The following EDIL3 variants were observed in gnomAD, a reference collection of about 807,000 sequenced individuals.
EDIL3 encodes EGF-like repeat and discoidin I-like domain-containing protein 3.
In EDIL3, 37 loss-of-function variants were observed where a neutral mutation model predicts 67.4. That is an observed-to-expected ratio of 0.55 (90% CI 0.42 to 0.72). EDIL3 has a LOEUF of 0.72. Among genes scored for constraint, EDIL3 ranks in the 30% least tolerant of loss-of-function variants. EDIL3 has a pLI of 0.00. For missense variants in EDIL3, 527 were observed against 586.3 expected (o/e 0.90, Z 1.04); for synonymous variants, 195 against 196.3 (o/e 0.99, Z 0.05).
chr5:84,105,207 C>T (rs1482110214), intron 6 of EDIL3, among the ~76,000 whole-genome samples: 1 of 152,000 alleles, frequency 6.6e-6, no homozygotes, highest in Non-Finnish European at 1.5e-5. Flanking sequence ...TATAGATGTG[C>T]CATTTCCACT....
At chr5:84,090,388 C>T (rs1580321940) in intron 6 of EDIL3, among the ~76,000 whole-genome samples, 1 of 152,114 alleles carries the variant, frequency 6.6e-6, no homozygotes, top group East Asian at 1.9e-4. Flanking sequence ...TAAAAGGACA[C>T]ATCTTAGGTG....
chr5:84,095,093 T>G (rs942405304), intron 6 of EDIL3, among the ~76,000 whole-genome samples: 2 of 152,200 alleles, frequency 1.3e-5, no homozygotes, highest in African/African-American at 4.8e-5. Flanking sequence ...AAAGTGTTTT[T>G]TATTTTATTT....
At chr5:84,147,159 T>C (rs1030454896) in intron 4 of EDIL3, among the ~76,000 whole-genome samples, 4 of 152,016 alleles carry the variant, frequency 2.6e-5, no homozygotes, top group African/African-American at 9.7e-5. Flanking sequence ...ATCTAAACTT[T>C]ATAGTAAAAA....
chr5:84,266,627 C>T (rs1253906986), intron 1 of EDIL3, among the ~76,000 whole-genome samples: 3 of 152,116 alleles, frequency 2.0e-5, no homozygotes, highest in Non-Finnish European at 4.4e-5. Context: ...ATGGGGATAC[C>T]TCTGATGCTC....
At chr5:84,067,129 C>T (rs1246007067) in intron 6 of EDIL3, among the ~76,000 whole-genome samples, 1 of 152,036 alleles carries the variant, frequency 6.6e-6, no homozygotes, top group Non-Finnish European at 1.5e-5. Context: ...ACAAGTATCC[C>T]TTAAGTTTCT....
At chr5:84,020,084 A>AAAAC (rs1467787852) in intron 9 of EDIL3, among the ~76,000 whole-genome samples, 1 of 151,482 alleles carries the variant, frequency 6.6e-6, no homozygotes, top group African/African-American at 2.4e-5. Context: ...TACAAAAAAA[A>AAAAC]AAAAAAACGC....
chr5:84,285,873 T>C (rs1554040231), intron 1 of EDIL3, among the ~76,000 whole-genome samples: 2 of 152,304 alleles, frequency 1.3e-5, no homozygotes, highest in African/African-American at 2.4e-5. Context: ...CCAGTGGCAC[T>C]GATTAATATC....
At chr5:84,300,394 G>A (rs1360705915) in intron 1 of EDIL3, among the ~76,000 whole-genome samples, 2 of 152,120 alleles carry the variant, frequency 1.3e-5, no homozygotes, top group Admixed American at 6.5e-5. Context: ...TAGCCTTAAC[G>A]ACACCTGCAA....
chr5:84,290,356 T>C (rs1254601168), intron 1 of EDIL3, among the ~76,000 whole-genome samples: 2 of 152,140 alleles, frequency 1.3e-5, no homozygotes, highest in Non-Finnish European at 2.9e-5. Flanking sequence ...TTACTCCCTC[T>C]AAGAGCTCTT....
intron 1 of EDIL3, among the ~76,000 whole-genome samples, chr5:84,323,538 G>T (rs1746691076): frequency 6.6e-6 from 1 of 151,878 alleles, no homozygotes; most frequent in African/African-American, 2.4e-5. Flanking sequence ...GAAACAAACA[G>T]AAAAATTACA....
intron 9 of EDIL3, among the ~76,000 whole-genome samples, chr5:84,019,648 T>C (rs1331420858): frequency 2.0e-5 from 3 of 152,128 alleles, no homozygotes; most frequent in Admixed American, 1.3e-4. Flanking sequence ...CTGCTCATAA[T>C]ACACATTGCA....
At chr5:84,141,960 T>TATATATATATATACATAG in intron 4 of EDIL3, among the ~76,000 whole-genome samples, 4 of 134,880 alleles carry the variant, frequency 3.0e-5, no homozygotes, top group African/African-American at 8.8e-5. Flanking sequence ...TAGATCTATC[T>TATATATATATATACATAG]ATCTATCTAT....
intron 6 of EDIL3, among the ~76,000 whole-genome samples, chr5:84,080,115 C>CAAAAAA (rs10566347): frequency 6.6e-4 from 35 of 52,966 alleles, no homozygotes; most frequent in African/African-American, 1.5e-3. Context: ...ACTAAAAATA[C>CAAAAAA]AAAAAAAAAA....
chr5:84,313,257 C>T (rs1326898280), intron 1 of EDIL3, among the ~76,000 whole-genome samples: 2 of 152,180 alleles, frequency 1.3e-5, no homozygotes, highest in Admixed American at 6.5e-5. Flanking sequence ...CTCCACATTA[C>T]ATTAAGGGGA....
At chr5:84,184,983 G>T (rs1440671812) in intron 3 of EDIL3, among the ~76,000 whole-genome samples, 1 of 152,128 alleles carries the variant, frequency 6.6e-6, no homozygotes, top group Admixed American at 6.6e-5. Flanking sequence ...TAAAGCAAAA[G>T]GGCCAAAGAT....
intron 1 of EDIL3, among the ~76,000 whole-genome samples, chr5:84,349,249 TC>T (rs1376489140): frequency 2.6e-5 from 4 of 152,192 alleles, no homozygotes; most frequent in African/African-American, 9.6e-5. Context: ...TGTAGAAACT[TC>T]ATGGTCTAGA....
chr5:84,151,372 G>GT, intron 4 of EDIL3, among the ~76,000 whole-genome samples: 1 of 151,684 alleles, frequency 6.6e-6, no homozygotes, highest in Non-Finnish European at 1.5e-5. Context: ...CAAAAGAAAG[G>GT]TTTTTGTACA....
rs79286062 is a variant in EDIL3 at position 84,246,143 on chromosome 5, G to A, written c.196+7941C>T. 6.6e-3 allele frequency among the ~76,000 whole-genome samples: 1,001 copies of A among 152,266 alleles called. 14 individuals are homozygous for A. Among genetic ancestry groups the A allele is most frequent in the African/African-American group, 0.023 (954 of 41,546 alleles). ...TTCAAAAATAAAATTAAAAAGAGAA[G>A]CAACATTCCACAGCAGATTGTAAAA... On this transcript the variant is annotated intron_variant, in intron 2 of 10. Coordinates refer to ENST00000296591, the MANE Select transcript of EDIL3 (RefSeq NM_005711.5).
At chr5:84,108,144 G>T (rs1019741949) in intron 5 of EDIL3, among the ~76,000 whole-genome samples, 5 of 151,558 alleles carry the variant, frequency 3.3e-5, no homozygotes, top group African/African-American at 1.2e-4. Context: ...TTAGATTGAG[G>T]TTGAAAATAA....
Sources: gnomAD v4.1 joint callset for allele counts (sites outside exome capture counted in the v4.1 genomes callset) on GRCh38, gnomAD v4.1.1 for gene constraint, MANE v1.5 for transcripts, NCBI Gene and HGNC (gene_info 2026-07-23, HGNC 2026-07-21) for gene names.